The following FER variants were observed in gnomAD, a reference collection of about 807,000 sequenced individuals.
FER encodes FER tyrosine kinase, also known as tyrosine-protein kinase Fer.
A neutral mutation model predicts 111.0 loss-of-function variants in FER; 63 were observed. The observed-to-expected ratio is 0.57, with a 90% CI of 0.46 to 0.70. FER has a LOEUF of 0.70. FER is among the 30% of genes least tolerant of loss of function. The pLI is 0.00. For synonymous variants in FER, 327 were observed against 313.9 expected (o/e 1.04, Z -0.44); for missense variants, 914 against 954.0 (o/e 0.96, Z 0.55).
At chr5:109,025,108 G>T (rs1334797577) in intron 13 of FER, among the ~76,000 whole-genome samples, 25 of 151,842 alleles carry the variant, frequency 1.6e-4, no homozygotes, top group Admixed American at 3.3e-4. Flanking sequence ...TGTGGGCTCT[G>T]TTTTGGTTCC....
chr5:108,854,558 G>C (rs1762819356), intron 5 of FER, among the ~76,000 whole-genome samples: 1 of 152,186 alleles, frequency 6.6e-6, no homozygotes, highest in Non-Finnish European at 1.5e-5. Flanking sequence ...TGCATGTATT[G>C]TTTTGGGGGT....
At chr5:109,008,531 C>A (rs1447708976) in intron 13 of FER, among the ~76,000 whole-genome samples, 5 of 152,312 alleles carry the variant, frequency 3.3e-5, no homozygotes, top group South Asian at 4.1e-4. Context: ...TCACCCAGGT[C>A]TTTGATTCTT....
chr5:109,005,006 A>G (rs1038357480), intron 13 of FER, among the ~76,000 whole-genome samples: 1 of 152,092 alleles, frequency 6.6e-6, no homozygotes, highest in Non-Finnish European at 1.5e-5. Flanking sequence ...GGGATGGCTG[A>G]TTTCTCGGAA....
intron 16 of FER, among the ~76,000 whole-genome samples, chr5:109,069,026 A>AT (rs142512866): frequency 2.6e-5 from 4 of 151,420 alleles, no homozygotes; most frequent in Admixed American, 6.6e-5. Flanking sequence ...GGGGGCCTTC[A>AT]TTTTTTTTTC....
At chr5:109,132,408 C>T (rs1752450983) in intron 17 of FER, among the ~76,000 whole-genome samples, 2 of 152,130 alleles carry the variant, frequency 1.3e-5, no homozygotes, top group South Asian at 4.1e-4. Context: ...TGGGATGCAT[C>T]AGTGAACAAA....
At chr5:108,853,396 A>G (rs1162256715) in intron 5 of FER, among the ~76,000 whole-genome samples, 1 of 152,234 alleles carries the variant, frequency 6.6e-6, no homozygotes, top group Non-Finnish European at 1.5e-5. Flanking sequence ...TTCATAAAAT[A>G]AATAAGTGAA....
rs553659537 is a variant in FER at position 108,803,384 on chromosome 5, A to G, written c.207+4995A>G. 3.3e-5 allele frequency among the ~76,000 whole-genome samples: 5 copies of G among 152,114 alleles called. No individual in the cohort carries two copies. In the South Asian group the frequency reaches 1.0e-3, roughly 32 times the overall value. ...ATTTTTGTTGCAATTGCTTTTGAGAATTTAGTCATAAATTTCTTCCCACAG... is the reference window on the plus strand; with the variant it reads ...ATTTTTGTTGCAATTGCTTTTGAGAGTTTAGTCATAAATTTCTTCCCACAG... On this transcript the variant is annotated intron_variant, in intron 3 of 19. Coordinates refer to ENST00000281092, the MANE Select transcript of FER (RefSeq NM_005246.4).
intron 2 of FER, among the ~76,000 whole-genome samples, chr5:108,781,470 G>A (rs932458125): frequency 1.3e-5 from 2 of 152,188 alleles, no homozygotes; most frequent in African/African-American, 4.8e-5. Context: ...GGGATTACAG[G>A]CGTGAGCCAC....
At chr5:108,875,353 A>G (rs577954805) in intron 8 of FER, among the ~76,000 whole-genome samples, 1 of 152,146 alleles carries the variant, frequency 6.6e-6, no homozygotes, top group East Asian at 1.9e-4. Context: ...TCTATTATAT[A>G]TAATATAATT....
At chr5:109,037,590 C>T in intron 14 of FER, 112 bp downstream of exon 14, 1 of 742,212 alleles carries the variant, frequency 1.3e-6, no homozygotes, top group Non-Finnish European at 2.3e-6. Context: ...GCACATTACA[C>T]ATTAACTAGA....
intron 16 of FER, among the ~76,000 whole-genome samples, chr5:109,067,827 G>A (rs1473986793): frequency 6.6e-6 from 1 of 152,084 alleles, no homozygotes; most frequent in African/African-American, 2.4e-5. Context: ...AGTTCAGGTA[G>A]CATTCGATTT....
intron 17 of FER, among the ~76,000 whole-genome samples, chr5:109,110,827 A>T (rs1749524831): frequency 6.6e-6 from 1 of 152,042 alleles, no homozygotes; most frequent in South Asian, 2.1e-4. Flanking sequence ...TACTCCATCA[A>T]ACTGTAATGA....
chr5:109,007,942 AAATT>A (rs1278230111), intron 13 of FER, among the ~76,000 whole-genome samples: 1 of 152,208 alleles, frequency 6.6e-6, no homozygotes, highest in Admixed American at 6.5e-5. Flanking sequence ...TAAAATAAAT[AAATT>A]AGATAATTAC....
chr5:108,890,832 T>C (rs566341378), intron 9 of FER, among the ~76,000 whole-genome samples: 74 of 152,284 alleles, frequency 4.9e-4, no homozygotes, highest in African/African-American at 1.7e-3. Context: ...AGTTTGGAGC[T>C]AGTACAAATA....
rs1038523505 is a variant in FER, at chr5:109,192,324, C to G, written c.*4749C>G. 3 of 152,062 alleles carry G rather than the reference C, an allele frequency of 2.0e-5. No individual in the cohort carries two copies. Among genetic ancestry groups the G allele is most frequent in the Non-Finnish European group, 4.4e-5 (3 of 68,000 alleles). The allele number at this position is 152,062 out of a possible 1,614,324, so 9.4% of individuals were successfully genotyped here. On this transcript the variant is annotated 3_prime_UTR_variant, in exon 20 of 20. Coordinates refer to ENST00000281092, the MANE Select transcript of FER (RefSeq NM_005246.4). ...AGATTTGGACAGTGTCATTAGGAAGCCTGAGGAGAACATGCTACAAGGCCA... is the reference window on the plus strand; with the variant it reads ...AGATTTGGACAGTGTCATTAGGAAGGCTGAGGAGAACATGCTACAAGGCCA...
intron 3 of FER, among the ~76,000 whole-genome samples, chr5:108,823,083 G>A (rs1759073479): frequency 6.6e-6 from 1 of 152,198 alleles, no homozygotes; most frequent in Non-Finnish European, 1.5e-5. Flanking sequence ...TGTTGGCCAG[G>A]CTTGGACTTC....
intron 13 of FER, among the ~76,000 whole-genome samples, chr5:108,970,850 C>G (rs1264466648): frequency 6.6e-6 from 1 of 152,020 alleles, no homozygotes; most frequent in Non-Finnish European, 1.5e-5. Context: ...GGTGAATAAT[C>G]TGAAAAGTTT....
chr5:108,984,092 T>C (rs1305657155), intron 13 of FER, among the ~76,000 whole-genome samples: 4 of 152,144 alleles, frequency 2.6e-5, no homozygotes, highest in Non-Finnish European at 5.9e-5. Flanking sequence ...TTCAAAAATA[T>C]TATTTTAGGT....
chr5:109,168,615 T>C (rs1756789903), intron 17 of FER, among the ~76,000 whole-genome samples: 1 of 152,196 alleles, frequency 6.6e-6, no homozygotes, highest in Non-Finnish European at 1.5e-5. Flanking sequence ...TCATTTGTAT[T>C]CTTCAAGATA....
Sources: gnomAD v4.1 joint callset for allele counts (sites outside exome capture counted in the v4.1 genomes callset) on GRCh38, gnomAD v4.1.1 for gene constraint, MANE v1.5 for transcripts, NCBI Gene and HGNC (gene_info 2026-07-23, HGNC 2026-07-21) for gene names.